Variants in CTNNA3 observed in about 807,000 individuals in gnomAD.
CTNNA3 encodes catenin alpha-3.
CTNNA3 carries 76 observed loss-of-function variants against 95.7 expected under a neutral mutation model. The ratio of observed to expected loss-of-function variants is 0.79; its 90% CI spans 0.66 to 0.96. The LOEUF (loss-of-function observed/expected upper bound fraction) is 0.96. Ranked by LOEUF, CTNNA3 falls within the 40% of genes least tolerant of loss-of-function variation. The pLI, the probability that CTNNA3 is intolerant of heterozygous loss-of-function variation, is 0.00. For missense variants in CTNNA3, 1,191 were observed against 1,089.8 expected (o/e 1.09, Z -1.31); for synonymous variants, 431 against 374.4 (o/e 1.15, Z -1.74).
rs747887589 is a variant in CTNNA3, at chr10:65,920,566, C to G, written c.2452G>C (p.Val818Leu). Residue 818 changes from valine to leucine, a missense_variant, in exon 18 of 18, where the codon GTA (valine) becomes CTA (leucine). Coordinates refer to ENST00000433211, the MANE Select transcript of CTNNA3 (RefSeq NM_013266.4). Reference sequence around the variant, plus strand: ...TAAGACATTTTCACTGTTTGCACTACAGCATTCATTAAATTTTTGGCTGCT... The same window carrying G: ...TAAGACATTTTCACTGTTTGCACTAGAGCATTCATTAAATTTTTGGCTGCT... ...IQAAKNLMNA[V>L]VQTVKMSYIA... 34 of 1,614,008 alleles carry G rather than the reference C, an allele frequency of 2.1e-5. No homozygotes were observed. The South Asian group carries it at 3.4e-4, about 16-fold the overall frequency.
intron 7 of CTNNA3, among the ~76,000 whole-genome samples, chr10:67,074,617 T>C (rs1004030119): frequency 2.6e-5 from 4 of 152,168 alleles, no homozygotes; most frequent in Non-Finnish European, 5.9e-5. Context: ...CCCAAAGTGC[T>C]GGGATTACAG....
chr10:66,323,566 C>T (rs1406944371), intron 12 of CTNNA3, among the ~76,000 whole-genome samples: 6 of 151,326 alleles, frequency 4.0e-5, no homozygotes, highest in Non-Finnish European at 5.9e-5. Context: ...GCAGAAGAAT[C>T]GCTTGAACCC....
chr10:67,543,102 A>G (rs1840733508), intron 3 of CTNNA3, among the ~76,000 whole-genome samples: 1 of 152,110 alleles, frequency 6.6e-6, no homozygotes, highest in African/African-American at 2.4e-5. Flanking sequence ...AATTTACTAA[A>G]GGTCTTGAAA....
At chr10:66,601,638 C>T (rs1253311817) in intron 10 of CTNNA3, among the ~76,000 whole-genome samples, 1 of 151,792 alleles carries the variant, frequency 6.6e-6, no homozygotes, top group African/African-American at 2.4e-5. Context: ...TTTAAATTAC[C>T]CTTGTCACAT....
chr10:67,346,008 G>T (rs1430448995), intron 5 of CTNNA3, among the ~76,000 whole-genome samples: 3 of 151,638 alleles, frequency 2.0e-5, no homozygotes, highest in Non-Finnish European at 2.9e-5. Context: ...GTATATTTTT[G>T]GTTTGAGGCT....
chr10:67,650,075 G>A (rs1839832992), intron 1 of CTNNA3, among the ~76,000 whole-genome samples: 1 of 152,136 alleles, frequency 6.6e-6, no homozygotes, highest in Non-Finnish European at 1.5e-5. Context: ...CTGACCTCAG[G>A]TGATCCGCCC....
chr10:67,180,875 T>C (rs1339203172), intron 6 of CTNNA3, among the ~76,000 whole-genome samples: 3 of 152,182 alleles, frequency 2.0e-5, no homozygotes, highest in Non-Finnish European at 4.4e-5. Flanking sequence ...TATAAATGCT[T>C]AATACACTGA....
chr10:66,951,787 G>T (rs1464366258), intron 7 of CTNNA3, among the ~76,000 whole-genome samples: 1 of 152,110 alleles, frequency 6.6e-6, no homozygotes, highest in African/African-American at 2.4e-5. Context: ...ACTGGGAAGG[G>T]ATCTAGAGGA....
chr10:66,094,314 A>G (rs2081313439), intron 14 of CTNNA3, among the ~76,000 whole-genome samples: 1 of 152,104 alleles, frequency 6.6e-6, no homozygotes, highest in Non-Finnish European at 1.5e-5. Context: ...CAGACCCTGA[A>G]GTTCCTTTAC....
chr10:66,609,119 G>A (rs1210802589), intron 10 of CTNNA3, among the ~76,000 whole-genome samples: 1 of 151,706 alleles, frequency 6.6e-6, no homozygotes, highest in Non-Finnish European at 1.5e-5. Context: ...GACTGCAGTG[G>A]TGTGATCTCA....
At chr10:65,998,571 G>A (rs1378893515) in intron 15 of CTNNA3, among the ~76,000 whole-genome samples, 2 of 152,080 alleles carry the variant, frequency 1.3e-5, no homozygotes, top group Non-Finnish European at 2.9e-5. Flanking sequence ...TAAAGCAATT[G>A]TTTTGATGCT....
At chr10:66,137,591 A>G (rs1311322439) in intron 13 of CTNNA3, among the ~76,000 whole-genome samples, 2 of 152,202 alleles carry the variant, frequency 1.3e-5, no homozygotes, top group Non-Finnish European at 2.9e-5. Context: ...TCTGTTAAGT[A>G]TAATAATATT....
intron 14 of CTNNA3, among the ~76,000 whole-genome samples, chr10:66,075,806 T>C (rs540625162): frequency 6.6e-6 from 1 of 151,872 alleles, no homozygotes; most frequent in African/African-American, 2.4e-5. Flanking sequence ...TTTCAGTCCA[T>C]GTGTCTTCAT....
intron 5 of CTNNA3, among the ~76,000 whole-genome samples, chr10:67,410,621 T>TC (rs1252183116): frequency 1.9e-4 from 24 of 126,994 alleles, no homozygotes; most frequent in Middle Eastern, 8.1e-3. Flanking sequence ...GGATGATGCT[T>TC]CCCCCCACCC....
chr10:67,045,829 G>A (rs1429589763), intron 7 of CTNNA3, among the ~76,000 whole-genome samples: 1 of 152,154 alleles, frequency 6.6e-6, no homozygotes, highest in East Asian at 1.9e-4. Context: ...CAGCTCCAGT[G>A]AAGCCTTCCT....
intron 1 of CTNNA3, among the ~76,000 whole-genome samples, chr10:67,668,797 A>AAAATGC (rs1461588723): frequency 7.2e-5 from 11 of 151,740 alleles, no homozygotes; most frequent in Non-Finnish European, 1.5e-4. Context: ...AAAACCACAG[A>AAAATGC]AAATGCAACC....
At chr10:67,498,065 T>C (rs1032914593) in intron 5 of CTNNA3, among the ~76,000 whole-genome samples, 7 of 152,224 alleles carry the variant, frequency 4.6e-5, no homozygotes, top group Non-Finnish European at 1.0e-4. Flanking sequence ...TCTATGGTTT[T>C]AGGTCTAACA....
chr10:66,720,494 T>C (rs1489600499), intron 9 of CTNNA3, among the ~76,000 whole-genome samples: 2 of 152,090 alleles, frequency 1.3e-5, no homozygotes, highest in East Asian at 1.9e-4. Flanking sequence ...AAGACCCTTC[T>C]CTCTCTAATG....
At chr10:66,526,504 A>G (rs1354467972) in intron 10 of CTNNA3, among the ~76,000 whole-genome samples, 1 of 152,150 alleles carries the variant, frequency 6.6e-6, no homozygotes, top group African/African-American at 2.4e-5. Flanking sequence ...TCTAAATTTA[A>G]TTTATGAAAT....
Sources: allele counts gnomAD v4.1 joint callset (sites outside exome capture counted in the v4.1 genomes callset), GRCh38; gene constraint gnomAD v4.1.1; transcripts MANE v1.5; gene names NCBI Gene and HGNC (gene_info 2026-07-23, HGNC 2026-07-21).